The following GALNT13 variants were observed in gnomAD, a reference collection of about 807,000 sequenced individuals.
GALNT13 encodes the protein polypeptide N-acetylgalactosaminyltransferase 13.
Under a neutral mutation model 64.2 loss-of-function variants are expected in GALNT13, and 28 were observed. The observed-to-expected ratio is 0.44, with a 90% CI of 0.32 to 0.60. The LOEUF (loss-of-function observed/expected upper bound fraction) is 0.60, where lower values mean the gene tolerates loss of function less well. GALNT13 is among the 20% of genes least tolerant of loss of function. The pLI is 0.05. For missense variants in GALNT13, 577 were observed against 669.8 expected (o/e 0.86, Z 1.53); for synonymous variants, 214 against 224.6 (o/e 0.95, Z 0.42).
chr2:154,303,369 T>C (rs1179788662), intron 9 of GALNT13, among the ~76,000 whole-genome samples: 1 of 152,030 alleles, frequency 6.6e-6, no homozygotes, highest in Non-Finnish European at 1.5e-5. Flanking sequence ...ACCCTAATCT[T>C]ATTATGCAAA....
At chr2:154,269,925 T>TATTTATATATATGTGTATATATATATATA (rs1421612508) in intron 8 of GALNT13, among the ~76,000 whole-genome samples, 6 of 139,240 alleles carry the variant, frequency 4.3e-5, no homozygotes, top group African/African-American at 1.3e-4. Context: ...TATATATATA[T>TATTTATATATATGTGTATATATATATATA]TTCTAAAGCA....
chr2:153,717,747 A>G, the GALNT13 span, among the ~76,000 whole-genome samples: 1 of 152,184 alleles, frequency 6.6e-6, no homozygotes, highest in South Asian at 2.1e-4. Flanking sequence ...AGGCTTTTGT[A>G]ATGACTGTTA....
chr2:154,432,943 A>T (rs1224058604), intron 11 of GALNT13, among the ~76,000 whole-genome samples: 1 of 152,208 alleles, frequency 6.6e-6, no homozygotes, highest in East Asian at 1.9e-4. Context: ...TGGAGAGATT[A>T]GTTGCCCTCC....
intron 3 of GALNT13, among the ~76,000 whole-genome samples, chr2:154,108,687 A>G (rs1263764458): frequency 6.6e-6 from 1 of 150,856 alleles, no homozygotes; most frequent in Admixed American, 6.6e-5. Flanking sequence ...TTATTCCGTG[A>G]TTTTTTTTTC....
intron 9 of GALNT13, among the ~76,000 whole-genome samples, chr2:154,378,074 G>A (rs888975789): frequency 2.6e-5 from 4 of 151,892 alleles, no homozygotes; most frequent in East Asian, 3.9e-4. Flanking sequence ...CCTCATATAC[G>A]CTGCTCAGAT....
the GALNT13 span, among the ~76,000 whole-genome samples, chr2:153,652,843 A>G: frequency 6.6e-6 from 1 of 152,330 alleles, no homozygotes; most frequent in Non-Finnish European, 1.5e-5. Flanking sequence ...ATACTAAATT[A>G]TCAAAGAATT....
At chr2:153,793,715 AT>A in the GALNT13 span, among the ~76,000 whole-genome samples, 1 of 152,098 alleles carries the variant, frequency 6.6e-6, no homozygotes, top group Non-Finnish European at 1.5e-5. Flanking sequence ...TCAAAGGAAA[AT>A]TTAAATCTTC....
the GALNT13 span, among the ~76,000 whole-genome samples, chr2:153,616,363 G>GT: frequency 6.6e-6 from 1 of 151,622 alleles, no homozygotes; most frequent in Non-Finnish European, 1.5e-5. Flanking sequence ...AGATAATGTG[G>GT]TTTTTCCAGT....
At chr2:153,554,125 G>A in the GALNT13 span, among the ~76,000 whole-genome samples, 1 of 151,006 alleles carries the variant, frequency 6.6e-6, no homozygotes, top group Non-Finnish European at 1.5e-5. Flanking sequence ...GACCATCCTG[G>A]CTAACACGGT....
intron 2 of GALNT13, among the ~76,000 whole-genome samples, chr2:153,909,608 A>T (rs1688808554): frequency 6.6e-6 from 1 of 152,084 alleles, no homozygotes; most frequent in Non-Finnish European, 1.5e-5. Flanking sequence ...TTCCTTCAAT[A>T]TGTAGCTTGT....
chr2:153,803,691 C>CAAAAAAA, the GALNT13 span, among the ~76,000 whole-genome samples: 1 of 105,072 alleles, frequency 9.5e-6, no homozygotes, highest in Admixed American at 1.1e-4. Context: ...GACTCTGTCT[C>CAAAAAAA]AAAAAAAAAA....
At chr2:154,380,175 A>G (rs1320541194) in intron 9 of GALNT13, among the ~76,000 whole-genome samples, 3 of 152,026 alleles carry the variant, frequency 2.0e-5, no homozygotes, top group African/African-American at 7.2e-5. Flanking sequence ...TGTATATATC[A>G]TTCTATTTAT....
chr2:154,167,415 GAAC>G (rs769639860), intron 4 of GALNT13, among the ~76,000 whole-genome samples: 50 of 152,118 alleles, frequency 3.3e-4, no homozygotes, highest in Non-Finnish European at 6.5e-4. Context: ...ATTACTAACT[GAAC>G]TTTGTTGATT....
At chr2:154,076,473 C>A (rs1457826521) in intron 3 of GALNT13, among the ~76,000 whole-genome samples, 1 of 151,660 alleles carries the variant, frequency 6.6e-6, no homozygotes, top group African/African-American at 2.4e-5. Flanking sequence ...GAGTAACTTA[C>A]CCATACTGAG....
At chr2:154,065,720 G>A (rs960884655) in intron 3 of GALNT13, among the ~76,000 whole-genome samples, 2 of 152,100 alleles carry the variant, frequency 1.3e-5, no homozygotes, top group African/African-American at 4.8e-5. Flanking sequence ...TAACACACAA[G>A]TCCATTCAAA....
At chr2:153,473,661 T>TGAGGTTTGAGGTTTCATTTGAA in the GALNT13 span, among the ~76,000 whole-genome samples, 6 of 152,226 alleles carry the variant, frequency 3.9e-5, no homozygotes, top group African/African-American at 1.4e-4. Context: ...GCTTTCAAAT[T>TGAGGTTTGAGGTTTCATTTGAA]AGGTTTGAGT....
At chr2:154,269,624 C>G (rs1200360936) in intron 8 of GALNT13, among the ~76,000 whole-genome samples, 6 of 150,476 alleles carry the variant, frequency 4.0e-5, no homozygotes, top group Non-Finnish European at 8.9e-5. Flanking sequence ...GAATGCAGAC[C>G]AATCTTAATG....
intron 8 of GALNT13, among the ~76,000 whole-genome samples, chr2:154,260,974 A>G (rs949247719): frequency 2.0e-5 from 3 of 152,108 alleles, no homozygotes; most frequent in Non-Finnish European, 2.9e-5. Context: ...TTTTCTGCCA[A>G]TGTACTCCTC....
the GALNT13 span, among the ~76,000 whole-genome samples, chr2:153,223,110 T>C: frequency 6.6e-6 from 1 of 152,206 alleles, no homozygotes. Flanking sequence ...CGAGAAAAAT[T>C]ATTCAAGAAG....
Sources: allele counts gnomAD v4.1 joint callset (sites outside exome capture counted in the v4.1 genomes callset), GRCh38; gene constraint gnomAD v4.1.1; transcripts MANE v1.5; gene names NCBI Gene and HGNC (gene_info 2026-07-23, HGNC 2026-07-21).